EPN1: variants seen among roughly 807,000 people sequenced by gnomAD.
EPN1 encodes the protein epsin 1, also known as epsin-1.
EPN1 carries 25 observed loss-of-function variants against 56.9 expected under a neutral mutation model. The observed-to-expected ratio is 0.44, with a 90% CI of 0.32 to 0.61. The LOEUF is 0.61. EPN1 is among the 20% of genes least tolerant of loss of function. The probability of loss-of-function intolerance (pLI) is 0.05; values close to 1 mark genes in which losing one functional copy is unlikely to be tolerated. For missense variants in EPN1, 785 were observed against 823.7 expected, an observed-to-expected ratio of 0.95 and a Z score of 0.58; for synonymous variants, 411 against 361.8, an observed-to-expected ratio of 1.14 and a Z score of -1.54.
rs1368343536 is a variant in EPN1, at chr19:55,689,178, C to T, written c.604-119C>T. Reference sequence around the variant, plus strand: ...CCTCTGCGTGTCACTCTCTGCCTGTCCCTCACTGGTTCAGGGACCCCCAGC... The same window carrying T: ...CCTCTGCGTGTCACTCTCTGCCTGTTCCTCACTGGTTCAGGGACCCCCAGC... On this transcript the variant is annotated intron_variant, in intron 4 of 10. Transcript: ENST00000270460. This position sits in a 1 kb window ranked among gnomAD's most constrained non-coding sequence, Gnocchi z 5.7. 1.4e-5 allele frequency: 16 copies of T among 1,124,754 alleles called. No individual in the cohort carries two copies. Among genetic ancestry groups the T allele is most frequent in the Non-Finnish European group, 1.7e-5 (13 of 783,656 alleles). The allele number at this position is 1,124,754 out of a possible 1,614,324, so 69.7% of individuals were successfully genotyped here.
chr19:55,682,182 C>T (rs1985861640), intron 2 of EPN1, among the ~76,000 whole-genome samples: 1 of 152,186 alleles, frequency 6.6e-6, no homozygotes, highest in Non-Finnish European at 1.5e-5. Flanking sequence ...GAATGTATAA[C>T]ACAGCTGTTA....
At chr19:55,681,491 C>T (rs1985816474) in intron 2 of EPN1, among the ~76,000 whole-genome samples, 1 of 152,146 alleles carries the variant, frequency 6.6e-6, no homozygotes, top group Non-Finnish European at 1.5e-5. Context: ...AAAGTACAGC[C>T]CACTGGTGAA....
At chr19:55,692,653 G>T in intron 7 of EPN1, 33 bp from the exon 8 acceptor site, 1 of 1,414,504 alleles carries the variant, frequency 7.1e-7, no homozygotes, top group East Asian at 2.5e-5. Context: ...AGTCAAGGTT[G>T]CCAGCCCCTC....
rs538259026 is a variant in EPN1, at chr19:55,677,342, T to C, written c.-101-1185T>C. 9.4e-5 allele frequency: 68 copies of C among 727,086 alleles called. 2 individuals are homozygous for C. In the South Asian group the frequency reaches 9.4e-4, roughly 10 times the overall value. The allele number at this position is 727,086 out of a possible 1,614,324, so 45.0% of individuals were successfully genotyped here. On this transcript the variant is annotated intron_variant, in intron 1 of 10. Transcript: ENST00000270460. ...AATACATGTAAAGCACTTAAAACAG[T>C]GCCTGGCATGGGATAAGAGCAGTGC...
chr19:55,700,912 C>T lies in EPN1; in HGVS notation c.*5556C>T, dbSNP rs1045142073. On this transcript the variant is annotated 3_prime_UTR_variant, in exon 11 of 11. Transcript: ENST00000270460. ...TGTTGTGGGGAATGTTCTCATCCACCCAAATCAAGCATCACTACATCCATC... is the reference window on the plus strand; with the variant it reads ...TGTTGTGGGGAATGTTCTCATCCACTCAAATCAAGCATCACTACATCCATC... The T allele has an allele frequency of 6.6e-6, 1 of 152,172 alleles. No homozygotes were observed. Among genetic ancestry groups the T allele is most frequent in the African/African-American group, 2.4e-5 (1 of 41,432 alleles). 9.4% of individuals were successfully genotyped at this position (152,172 alleles called of 1,614,324 possible).
Position 55,709,159 on chromosome 19 carries a change from G to A in EPN1, c.*13803G>A. 2.9e-6 allele frequency: 2 copies of A among 682,428 alleles called. No individual in the cohort carries two copies. Among genetic ancestry groups the A allele is most frequent in the Non-Finnish European group, 4.5e-6 (2 of 444,174 alleles). The allele number at this position is 682,428 out of a possible 1,614,324, so 42.3% of individuals were successfully genotyped here. A position where few individuals can be genotyped will look rare whatever the true frequency, so the allele number is the denominator to read the frequency against. ...TCTTTATTCTTTCCTAGAAATCACT[G>A]GGAGAATTGTACTGAATTTGAAAAA... On this transcript the variant is annotated 3_prime_UTR_variant, in exon 11 of 11. Coordinates refer to ENST00000270460, the MANE Select transcript of EPN1 (RefSeq NM_001130072.2).
Position 55,691,734 on chromosome 19 carries a change from C to T in EPN1, c.763-20C>T. On this transcript the variant is annotated intron_variant, in intron 6 of 10. Transcript: ENST00000270460. This position sits in a 1 kb window ranked among gnomAD's most constrained non-coding sequence, Gnocchi z 5.6. ...TTCCCACCACTTCTTCATGCTCCTT[C>T]TCTTCTCTCTCCCCCACAGTCGTCC... 4 of 1,604,918 alleles carry T rather than the reference C, an allele frequency of 2.5e-6. No individual in the cohort carries two copies. The highest frequency in any genetic ancestry group is 2.3e-5 in the East Asian group (1 of 44,354).
At position 55,703,009 on chromosome 19, in the gene EPN1, C is replaced by G. The variant is rs185562399; in HGVS notation, c.*7653C>G. 3 of 152,252 alleles carry G rather than the reference C, an allele frequency of 2.0e-5. No homozygotes were observed. The highest frequency in any genetic ancestry group is 1.9e-4 in the East Asian group (1 of 5,146). The allele number at this position is 152,252 out of a possible 1,614,324, so 9.4% of individuals were successfully genotyped here. On this transcript the variant is annotated 3_prime_UTR_variant, in exon 11 of 11. Coordinates refer to ENST00000270460, the MANE Select transcript of EPN1 (RefSeq NM_001130072.2). ...AGAGACGGGGTTTCACCGTGTTAGC[C>G]AGGATGGTCTCAATCTGACCTTGTG...
intron 1 of EPN1, chr19:55,676,490 C>G (rs151243773): frequency 6.6e-6 from 1 of 152,202 alleles, no homozygotes; most frequent in Non-Finnish European, 1.5e-5. Flanking sequence ...TCTGCCGCCA[C>G]CCTTTTGGAA....
At chr19:55,690,155 C>T (rs1472526812) in intron 6 of EPN1, among the ~76,000 whole-genome samples, 1 of 152,236 alleles carries the variant, frequency 6.6e-6, no homozygotes, top group Non-Finnish European at 1.5e-5. Flanking sequence ...TGCCCTGCGG[C>T]CACCTCCTGT....
In EPN1 at chr19:55,678,701, G is replaced by A; in HGVS notation, c.74G>A (p.Arg25Gln). ...TACTCAGAGGCGGAGATCAAGGTTC[G>A]AGAGGCCACGAGCAATGACCCCTGG... ...HNYSEAEIKV[R>Q]EATSNDPWGP... is the part of the protein sequence containing the mutation. Residue 25 changes from arginine (R) to glutamine (Q), a missense_variant, in exon 2 of 11, where the codon CGA (arginine) becomes CAA (glutamine). Coordinates refer to ENST00000270460, the MANE Select transcript of EPN1 (RefSeq NM_001130072.2). 6.2e-7 allele frequency: 1 copy of A among 1,614,156 alleles called. No homozygotes were observed. The highest frequency in any genetic ancestry group is 8.5e-7 in the Non-Finnish European group (1 of 1,180,014).
intron 3 of EPN1, among the ~76,000 whole-genome samples, chr19:55,686,523 C>T (rs1006682373): frequency 3.9e-5 from 6 of 152,032 alleles, no homozygotes; most frequent in African/African-American, 4.8e-5. Context: ...CTCGTGGGGT[C>T]CGGCTCGAGG....
At position 55,701,717 on chromosome 19, in the gene EPN1, A is replaced by G. The variant is rs1364471874; in HGVS notation, c.*6361A>G. 6.6e-6 allele frequency: 1 copy of G among 152,146 alleles called. No homozygotes were observed. Among genetic ancestry groups the G allele is most frequent in the Non-Finnish European group, 1.5e-5 (1 of 68,046 alleles). The allele number at this position is 152,146 out of a possible 1,614,324, so 9.4% of individuals were successfully genotyped here. A position where few individuals can be genotyped will look rare whatever the true frequency, so the allele number is the denominator to read the frequency against. On this transcript the variant is annotated 3_prime_UTR_variant, in exon 11 of 11. Coordinates refer to ENST00000270460, the MANE Select transcript of EPN1 (RefSeq NM_001130072.2). ...AGGTTTTTGGTCTCACAGCCGAGGA[A>G]ATCAAGGATGTGGATGCACACAGAG...
rs1987049844 is a variant in EPN1, at chr19:55,699,617, TTGAG to T, written c.*4264_*4267del. The T allele has an allele frequency of 6.6e-6, 1 of 152,150 alleles. No homozygotes were observed. The highest frequency in any genetic ancestry group is 2.4e-5 in the African/African-American group (1 of 41,432). The allele number at this position is 152,150 out of a possible 1,614,324, so 9.4% of individuals were successfully genotyped here. ...CTGCACTACAGTGGCAATGGTGACA[TTGAG>T]TGTGGCAGAGACCGAGTGTCCCTTG... On this transcript the variant is annotated 3_prime_UTR_variant, in exon 11 of 11. Coordinates refer to ENST00000270460, the MANE Select transcript of EPN1 (RefSeq NM_001130072.2).
chr19:55,695,620 C>G lies in EPN1; in HGVS notation c.*264C>G. 2.0e-6 allele frequency: 1 copy of G among 492,736 alleles called. No homozygotes were observed. The highest frequency in any genetic ancestry group is 3.6e-6 in the Non-Finnish European group (1 of 277,808). 30.5% of individuals were successfully genotyped at this position (492,736 alleles called of 1,614,324 possible). On this transcript the variant is annotated 3_prime_UTR_variant, in exon 11 of 11. Transcript: ENST00000270460. The surrounding 1 kb of genome is among the most constrained non-coding windows in gnomAD (Gnocchi z 4.4). ...GGGGAGGGGTGGCTGGGGCCCCCAC[C>G]CATTCCCCCTCCCTCCAAACTCCCA...
chr19:55,692,885 G>A, intron 8 of EPN1, 66 bp from the exon 9 acceptor site: 1 of 1,598,594 alleles, frequency 6.3e-7, no homozygotes, highest in Non-Finnish European at 8.6e-7. Context: ...GTGGACGCCT[G>A]GACTGGAGGT....
intron 2 of EPN1, among the ~76,000 whole-genome samples, chr19:55,681,716 A>G (rs1056144195): frequency 6.6e-6 from 1 of 152,204 alleles, no homozygotes; most frequent in African/African-American, 2.4e-5. Flanking sequence ...TTTAACATTA[A>G]GAAGGACTAT....
At chr19:55,685,913 C>G (rs1305330050) in intron 3 of EPN1, among the ~76,000 whole-genome samples, 1 of 152,236 alleles carries the variant, frequency 6.6e-6, no homozygotes, top group Non-Finnish European at 1.5e-5. Context: ...ATTCCGCTCC[C>G]CCATAGGCTC....
chr19:55,691,729 T>G lies in EPN1; in HGVS notation c.763-25T>G, dbSNP rs368263218. 2.5e-6 allele frequency: 4 copies of G among 1,601,230 alleles called. No individual in the cohort carries two copies. Among genetic ancestry groups the G allele is most frequent in the Non-Finnish European group, 3.4e-6 (4 of 1,172,984 alleles). The stretch of plus-strand genomic sequence containing the variant: ...CAGGCTTCCCACCACTTCTTCATGC[T>G]CCTTCTCTTCTCTCTCCCCCACAGT... On this transcript the variant is annotated intron_variant, in intron 6 of 10. Coordinates refer to ENST00000270460, the MANE Select transcript of EPN1 (RefSeq NM_001130072.2). This position sits in a 1 kb window ranked among gnomAD's most constrained non-coding sequence, Gnocchi z 5.6.
Sources: allele counts gnomAD v4.1 joint callset (sites outside exome capture counted in the v4.1 genomes callset), GRCh38; gene constraint gnomAD v4.1.1; non-coding constraint Gnocchi (gnomAD v3.1); transcripts MANE v1.5; gene names NCBI Gene and HGNC (gene_info 2026-07-23, HGNC 2026-07-21).